ENPP7: variants seen among roughly 807,000 people sequenced by gnomAD.
ENPP7 encodes ectonucleotide pyrophosphatase/phosphodiesterase 7, also known as ectonucleotide pyrophosphatase/phosphodiesterase family member 7.
ENPP7 carries 39 observed loss-of-function variants against 33.6 expected under a neutral mutation model. The ratio of observed to expected loss-of-function variants is 1.16; its 90% CI spans 0.90 to 1.52. The LOEUF (loss-of-function observed/expected upper bound fraction) is 1.52. Ranked by LOEUF, ENPP7 falls within the 40% of genes most tolerant of loss-of-function variation. ENPP7 has a pLI of 0.00. For missense variants in ENPP7, 594 were observed against 641.0 expected, an observed-to-expected ratio of 0.93 and a Z score of 0.79; for synonymous variants, 244 against 274.3, an observed-to-expected ratio of 0.89 and a Z score of 1.09.
In ENPP7 at chr17:79,735,169, A is replaced by G. The variant is rs1422419910; in HGVS notation, c.526A>G (p.Ile176Val). ...AAATGAGACGGAGTGGAGAGCGAAC[A>G]TCGACACAGTGATGGCGTGGTTCAC... ...YKNETEWRANIDTVMAWFTEE... is the reference protein window; with the variant it reads ...YKNETEWRANVDTVMAWFTEE... The change falls in exon 3 of 6, where the codon ATC becomes GTC. Residue 176 changes from isoleucine to valine, a missense_variant. Transcript: ENST00000328313. This position sits in a 1 kb window ranked among gnomAD's most constrained non-coding sequence, Gnocchi z 5.5. 2.5e-6 allele frequency: 4 copies of G among 1,613,302 alleles called. No homozygotes were observed. The highest frequency in any genetic ancestry group is 1.7e-5 in the Admixed American group (1 of 60,026).
chr17:79,737,800 G>A lies in ENPP7; in HGVS notation c.1247-116G>A, dbSNP rs1003685356. 1.5e-4 allele frequency: 171 copies of A among 1,122,600 alleles called. No individual in the cohort carries two copies. The highest frequency in any genetic ancestry group is 1.9e-4 in the Non-Finnish European group (148 of 762,642). 69.5% of individuals were successfully genotyped at this position (1,122,600 alleles called of 1,614,324 possible). A position where few individuals can be genotyped will look rare whatever the true frequency, so the allele number is the denominator to read the frequency against. ...ACAAAGGCCATGGGACCAAGGGGGC[G>A]GTGAAAGAGGAAGGAGGGGCTCGTG... On this transcript the variant is annotated intron_variant, in intron 4 of 5. Transcript: ENST00000328313. This position sits in a 1 kb window ranked among gnomAD's most constrained non-coding sequence, Gnocchi z 5.5.
chr17:79,737,261 G>A lies in ENPP7; in HGVS notation c.1246+1G>A. ...ACTCTGCTGCCCATGCTGCACACAGGTGAGGGCAGGGTGCCCCAAATCCCC... is the reference window on the plus strand; with the variant it reads ...ACTCTGCTGCCCATGCTGCACACAGATGAGGGCAGGGTGCCCCAAATCCCC... On this transcript the variant is annotated splice_donor_variant, in intron 4 of 5. Transcript: ENST00000328313. LOFTEE classifies it high-confidence loss of function. The surrounding 1 kb of genome is among the most constrained non-coding windows in gnomAD (Gnocchi z 5.5). The A allele has an allele frequency of 6.3e-7, 1 of 1,595,476 alleles. No homozygotes were observed. The highest frequency in any genetic ancestry group is 8.5e-7 in the Non-Finnish European group (1 of 1,174,866).
rs2094285022 is a variant in ENPP7, at chr17:79,731,337, C to T, written c.198C>T (p.Tyr66=). Residue 66 remains tyrosine, a synonymous_variant, in exon 1 of 6, where the codon TAC becomes TAT. Transcript: ENST00000328313. ...AMARDGVKAR[Y]MTPAFVTMTS... ...CCCGAGACGGGGTGAAGGCACGCTA[C>T]ATGACCCCCGCCTTTGTCACCATGA... 3 of 1,613,446 alleles carry T rather than the reference C, an allele frequency of 1.9e-6. No homozygotes were observed. The highest frequency in any genetic ancestry group is 2.5e-6 in the Non-Finnish European group (3 of 1,179,862).
Position 79,735,313 on chromosome 17 carries a change from G to T in ENPP7, c.670G>T (p.Gly224Cys), listed in dbSNP as rs2094293410. Residue 224 changes from glycine (G) to cysteine (C), a missense_variant, in exon 3 of 6, where the codon GGC becomes TGC. Around this residue, in one of 3 missense-constraint regions of ENPP7, gnomAD observed 504 missense variants for 512.8 expected, o/e 0.98. Coordinates refer to ENST00000328313, the MANE Select transcript of ENPP7 (RefSeq NM_178543.5). The surrounding 1 kb of genome is among the most constrained non-coding windows in gnomAD (Gnocchi z 5.5). Reference protein sequence around the residue: ...EMVRQVDRTVGYLRESIARNH... With the variant: ...EMVRQVDRTVCYLRESIARNH... ...GGTGCGGCAGGTGGACCGGACCGTG[G>T]GCTACCTCCGGGAGAGCATCGCGCG... The T allele has an allele frequency of 6.2e-7, 1 of 1,613,274 alleles. No homozygotes were observed. Among genetic ancestry groups the T allele is most frequent in the East Asian group, 2.2e-5 (1 of 44,868 alleles).
Position 79,733,598 on chromosome 17 carries a change from T to A in ENPP7, c.344T>A (p.Ile115Asn). ...VKLPYHATLG[I>N]QRWWDNGSVP... ...CTGCCCTACCACGCCACGCTGGGCA[T>A]CCAGAGGTGGTGGGACAACGGCAGC... Residue 115 changes from isoleucine to asparagine, a missense_variant, in exon 2 of 6, where the codon ATC becomes AAC. Ile to Asn is a moderately radical substitution (Grantham distance 149, BLOSUM62 -3). Transcript: ENST00000328313. 1.2e-6 allele frequency: 2 copies of A among 1,613,478 alleles called. No individual in the cohort carries two copies. The highest frequency in any genetic ancestry group is 1.7e-6 in the Non-Finnish European group (2 of 1,180,008).
At chr17:79,732,151 C>CACACATATATGTATATATATATATATAT (rs1568485254) in intron 1 of ENPP7, among the ~76,000 whole-genome samples, 1 of 25,884 alleles carries the variant, frequency 3.9e-5, no homozygotes. Flanking sequence ...TATATATATA[C>CACACATATATGTATATATATATATATAT]ACACACATAT....
chr17:79,735,057 C>T lies in ENPP7; in HGVS notation c.414C>T (p.Gly138=). 2.5e-6 allele frequency: 4 copies of T among 1,612,868 alleles called. No individual in the cohort carries two copies. Among genetic ancestry groups the T allele is most frequent in the Non-Finnish European group, 3.4e-6 (4 of 1,179,936 alleles). Reference sequence around the variant, plus strand: ...TTGTCTGGCAGGGCCTGAGGGCTGGCTCCTTCTTCTACCCGGGCGGGAACG... The same window carrying T: ...TTGTCTGGCAGGGCCTGAGGGCTGGTTCCTTCTTCTACCCGGGCGGGAACG... ...ITAQRQGLRA[G]SFFYPGGNVT... The change falls in exon 3 of 6, where the codon GGC becomes GGT. Residue 138 remains glycine (G), a synonymous_variant. Transcript: ENST00000328313. The surrounding 1 kb of genome is among the most constrained non-coding windows in gnomAD (Gnocchi z 5.5).
chr17:79,741,820 C>G lies in ENPP7; in HGVS notation c.*43C>G. 1.0e-6 allele frequency: 1 copy of G among 986,118 alleles called. No individual in the cohort carries two copies. The highest frequency in any genetic ancestry group is 1.2e-6 in the Non-Finnish European group (1 of 830,506). 61.1% of individuals were successfully genotyped at this position (986,118 alleles called of 1,614,324 possible). The stretch of plus-strand genomic sequence containing the variant: ...AAGCCGCCGGGAGCTGCCCGCAGGC[C>G]CTGGGCCGGCTGTCTCGCTGCGATG... On this transcript the variant is annotated 3_prime_UTR_variant, in exon 6 of 6. Coordinates refer to ENST00000328313, the MANE Select transcript of ENPP7 (RefSeq NM_178543.5).
At position 79,735,808 on chromosome 17, in the gene ENPP7, T is replaced by A. The variant is rs2094294690; in HGVS notation, c.1026+139T>A. 1.3e-6 allele frequency: 1 copy of A among 786,502 alleles called. No homozygotes were observed. The highest frequency in any genetic ancestry group is 2.6e-5 in the East Asian group (1 of 37,776). 48.7% of individuals were successfully genotyped at this position (786,502 alleles called of 1,614,324 possible). A position where few individuals can be genotyped will look rare whatever the true frequency, so the allele number is the denominator to read the frequency against. On this transcript the variant is annotated intron_variant, in intron 3 of 5. Coordinates refer to ENST00000328313, the MANE Select transcript of ENPP7 (RefSeq NM_178543.5). The surrounding 1 kb of genome is among the most constrained non-coding windows in gnomAD (Gnocchi z 5.5). ...GGCAGGATCTCAGCTCACTGCAGCC[T>A]TAAACTCCCAGACTCAAGCGATCCT...
Position 79,735,636 on chromosome 17 carries a change from G to A in ENPP7, c.993G>A (p.Leu331=). ...ACAACCCCAGGGTCACACCCCTGCT[G>A]ATGTACAGCGACCTTGGCTACGTCA... ...YANNPRVTPL[L]MYSDLGYVIH... Residue 331 remains leucine (L), a synonymous_variant, in exon 3 of 6, where the codon CTG becomes CTA. Coordinates refer to ENST00000328313, the MANE Select transcript of ENPP7 (RefSeq NM_178543.5). The surrounding 1 kb of genome is among the most constrained non-coding windows in gnomAD (Gnocchi z 5.5). 3.1e-6 allele frequency: 5 copies of A among 1,612,102 alleles called. No individual in the cohort carries two copies. Among genetic ancestry groups the A allele is most frequent in the Non-Finnish European group, 4.2e-6 (5 of 1,178,794 alleles).
At chr17:79,734,533 A>G (rs1190469746) in intron 2 of ENPP7, among the ~76,000 whole-genome samples, 1 of 148,464 alleles carries the variant, frequency 6.7e-6, no homozygotes, top group African/African-American at 2.5e-5. Context: ...GCTGGAGTGC[A>G]GTGGCGCCAT....
intron 1 of ENPP7, among the ~76,000 whole-genome samples, chr17:79,732,133 T>TACACATATATACAC (rs2094287211): frequency 4.8e-4 from 9 of 18,706 alleles, no homozygotes; most frequent in African/African-American, 1.7e-3. Flanking sequence ...TATATATATG[T>TACACATATATACAC]ATATATATAT....
At chr17:79,736,431 G>A (rs889088767) in intron 3 of ENPP7, among the ~76,000 whole-genome samples, 7 of 152,204 alleles carry the variant, frequency 4.6e-5, no homozygotes, top group Admixed American at 1.3e-4. Context: ...TTCACTATGC[G>A]GTAGGGTGTG....
chr17:79,737,978 C>G lies in ENPP7; in HGVS notation c.1309C>G (p.Pro437Ala). Residue 437 changes from proline to alanine, a missense_variant, in exon 5 of 6, where the codon CCC becomes GCC. Around this residue, in one of 3 missense-constraint regions of ENPP7, gnomAD observed 504 missense variants for 512.8 expected, o/e 0.98. Transcript: ENST00000328313. The surrounding 1 kb of genome is among the most constrained non-coding windows in gnomAD (Gnocchi z 5.5). ...LLPKGRSALP[P>A]SSRPLLVMGL... is the part of the protein sequence containing the mutation. ...GCCCAAGGGAAGATCTGCTCTCCCG[C>G]CCAGCAGCAGGCCCCTCCTCGTGAT... 6.2e-7 allele frequency: 1 copy of G among 1,613,808 alleles called. No individual in the cohort carries two copies. Among genetic ancestry groups the G allele is most frequent in the Non-Finnish European group, 8.5e-7 (1 of 1,179,982 alleles).
chr17:79,733,676 T>C (rs752032407), intron 2 of ENPP7, 23 bp downstream of exon 2: 7 of 1,592,812 alleles, frequency 4.4e-6, no homozygotes, highest in Non-Finnish European at 6.0e-6. Flanking sequence ...CCGCCCATAC[T>C]GACATCGCAG....
intron 2 of ENPP7, among the ~76,000 whole-genome samples, chr17:79,734,429 C>T (rs1404842897): frequency 6.6e-6 from 1 of 151,106 alleles, no homozygotes; most frequent in African/African-American, 2.4e-5. Context: ...GGGGAGTGGA[C>T]GGGCAGGTGG....
intron 1 of ENPP7, among the ~76,000 whole-genome samples, chr17:79,731,698 G>A (rs1239716939): frequency 6.6e-6 from 1 of 152,168 alleles, no homozygotes; most frequent in African/African-American, 2.4e-5. Context: ...CCTCCAGCTG[G>A]CTGTGTCAGC....
chr17:79,739,964 G>A lies in ENPP7; in HGVS notation c.*17-1830G>A, dbSNP rs781896181. 5.3e-5 allele frequency among the ~76,000 whole-genome samples: 8 copies of A among 152,240 alleles called. No individual in the cohort carries two copies. Among genetic ancestry groups the A allele is most frequent in the Non-Finnish European group, 8.8e-5 (6 of 68,046 alleles). On this transcript the variant is annotated intron_variant, in intron 5 of 5. Coordinates refer to ENST00000328313, the MANE Select transcript of ENPP7 (RefSeq NM_178543.5). This position sits in a 1 kb window ranked among gnomAD's most constrained non-coding sequence, Gnocchi z 4.4. ...CCCAGTACTTCCAGAGGCCGACGCA[G>A]GAGGATCGCTTGAGCCCAGGAGTTC... is the stretch of plus-strand genomic sequence containing the variant.
chr17:79,735,023 C>T lies in ENPP7; in HGVS notation c.400-20C>T. The stretch of plus-strand genomic sequence containing the variant: ...CAGCCCACTGAGGAGTCCTGTCTTT[C>T]ACGCTGCCTTGTCTGGCAGGGCCTG... On this transcript the variant is annotated intron_variant, in intron 2 of 5. Transcript: ENST00000328313. This position sits in a 1 kb window ranked among gnomAD's most constrained non-coding sequence, Gnocchi z 5.5. 3 of 1,609,278 alleles carry T rather than the reference C, an allele frequency of 1.9e-6. No homozygotes were observed.
Sources: allele counts gnomAD v4.1 joint callset (sites outside exome capture counted in the v4.1 genomes callset), GRCh38; gene constraint gnomAD v4.1.1; regional missense constraint gnomAD v4.1.1; non-coding constraint Gnocchi (gnomAD v3.1); transcripts MANE v1.5; gene names NCBI Gene and HGNC (gene_info 2026-07-23, HGNC 2026-07-21).